Variants in KPNA3 observed in about 807,000 individuals in gnomAD.
KPNA3 encodes the protein karyopherin subunit alpha 3.
In KPNA3, 13 loss-of-function variants were observed where a neutral mutation model predicts 73.8. That is an observed-to-expected ratio of 0.18 (90% CI 0.11 to 0.28). The LOEUF is 0.28. Ranked by LOEUF, KPNA3 falls within the 10% of genes least tolerant of loss-of-function variation. KPNA3 has a pLI of 1.00. For missense variants in KPNA3, 360 were observed against 618.1 expected, an observed-to-expected ratio of 0.58 and a Z score of 4.43; for synonymous variants, 186 against 206.9, an observed-to-expected ratio of 0.90 and a Z score of 0.87.
chr13:49,706,906 G>A (rs1331660379), intron 12 of KPNA3, among the ~76,000 whole-genome samples: 4 of 151,868 alleles, frequency 2.6e-5, no homozygotes, highest in East Asian at 3.9e-4. Flanking sequence ...CTGTCACCAC[G>A]CCCAGCTAAT....
chr13:49,730,068 G>A (rs1252808522), intron 6 of KPNA3, among the ~76,000 whole-genome samples: 2 of 152,094 alleles, frequency 1.3e-5, no homozygotes, highest in African/African-American at 2.4e-5. Flanking sequence ...TTTTTGCTTT[G>A]GGTGGTGGTT....
At position 49,705,857 on chromosome 13, in the gene KPNA3, G is replaced by A. The variant is rs1954202983; in HGVS notation, c.1210-74C>T. On this transcript the variant is annotated intron_variant, in intron 14 of 16. Coordinates refer to ENST00000261667, the MANE Select transcript of KPNA3 (RefSeq NM_002267.4). ...TCCCAGTAGGGTGTCGTGCTACATG[G>A]AAGGCTGAGGCAGGAGGCTATCTTG... is the stretch of plus-strand genomic sequence containing the variant. The A allele has an allele frequency of 2.3e-6, 3 of 1,315,474 alleles. No homozygotes were observed. In the Admixed American group the frequency reaches 7.6e-5, roughly 33 times the overall value. 81.5% of individuals were successfully genotyped at this position (1,315,474 alleles called of 1,614,324 possible).
intron 1 of KPNA3, among the ~76,000 whole-genome samples, chr13:49,782,099 A>T (rs751006243): frequency 6.6e-6 from 1 of 152,214 alleles, no homozygotes; most frequent in South Asian, 2.1e-4. Flanking sequence ...TAGCCAGAAA[A>T]ATGTGAGGCA....
chr13:49,789,339 A>T (rs1257641260), intron 1 of KPNA3, among the ~76,000 whole-genome samples: 1 of 151,338 alleles, frequency 6.6e-6, no homozygotes, highest in African/African-American at 2.4e-5. Context: ...AGATTCACTA[A>T]CCTCATTTTT....
intron 13 of KPNA3, 46 bp downstream of exon 13, chr13:49,706,222 G>A (rs1954206634): frequency 1.2e-6 from 2 of 1,610,116 alleles, no homozygotes; most frequent in Non-Finnish European, 1.7e-6. Context: ...AAAAGTCTTG[G>A]TTATTAACAG....
chr13:49,705,540 T>C, intron 15 of KPNA3, 81 bp downstream of exon 15: 1 of 1,355,628 alleles, frequency 7.4e-7, no homozygotes. Context: ...AGTAATTTTC[T>C]GTCTAGTAAG....
intron 2 of KPNA3, among the ~76,000 whole-genome samples, chr13:49,733,993 T>C (rs1016025441): frequency 2.6e-5 from 4 of 152,234 alleles, no homozygotes; most frequent in Non-Finnish European, 4.4e-5. Flanking sequence ...GTTAGCTCAA[T>C]AAAATGGCTA....
At chr13:49,748,571 C>T (rs752274159) in intron 1 of KPNA3, among the ~76,000 whole-genome samples, 43 of 151,738 alleles carry the variant, frequency 2.8e-4, no homozygotes, top group Admixed American at 1.2e-3. Flanking sequence ...CAGTGATCTT[C>T]TTAAGAAAAA....
intron 1 of KPNA3, among the ~76,000 whole-genome samples, chr13:49,758,282 T>C (rs1441448676): frequency 6.6e-6 from 1 of 152,200 alleles, no homozygotes; most frequent in Non-Finnish European, 1.5e-5. Flanking sequence ...AAACTGCGTA[T>C]GAATATGACA....
chr13:49,721,261 A>ATG (rs1954354390), intron 9 of KPNA3, among the ~76,000 whole-genome samples: 1 of 151,986 alleles, frequency 6.6e-6, no homozygotes, highest in Admixed American at 6.6e-5. Context: ...CTTAAAGCAA[A>ATG]CTCATTCAAG....
intron 12 of KPNA3, among the ~76,000 whole-genome samples, chr13:49,708,347 T>C (rs901558026): frequency 3.3e-5 from 5 of 152,112 alleles, no homozygotes; most frequent in African/African-American, 9.7e-5. Context: ...TCTACTAGGA[T>C]TGTCAGTAAT....
chr13:49,767,493 C>T (rs980094229), intron 1 of KPNA3, among the ~76,000 whole-genome samples: 1 of 151,684 alleles, frequency 6.6e-6, no homozygotes, highest in Non-Finnish European at 1.5e-5. Context: ...ATTATATTTT[C>T]ATTATCTTGA....
chr13:49,737,415 A>C (rs548769659), intron 2 of KPNA3, among the ~76,000 whole-genome samples: 5 of 152,300 alleles, frequency 3.3e-5, no homozygotes, highest in Admixed American at 2.0e-4. Context: ...TTGTGGCTTT[A>C]ATCTCTATTT....
chr13:49,729,522 C>A (rs376644580), intron 6 of KPNA3, among the ~76,000 whole-genome samples: 1 of 152,190 alleles, frequency 6.6e-6, no homozygotes, highest in Non-Finnish European at 1.5e-5. Context: ...CGGTGGCTCA[C>A]GCCTGTAATC....
intron 9 of KPNA3, among the ~76,000 whole-genome samples, chr13:49,720,436 G>C (rs567938728): frequency 6.6e-6 from 1 of 152,146 alleles, no homozygotes; most frequent in South Asian, 2.1e-4. Context: ...AAAAGTAGCA[G>C]GTACTAGAGA....
chr13:49,709,026 A>G (rs957241492), intron 12 of KPNA3, among the ~76,000 whole-genome samples: 1 of 152,212 alleles, frequency 6.6e-6, no homozygotes, highest in Non-Finnish European at 1.5e-5. Flanking sequence ...TGCTATGCTC[A>G]GTCTACTTAA....
chr13:49,786,478 G>A (rs531867380), intron 1 of KPNA3, among the ~76,000 whole-genome samples: 1 of 152,292 alleles, frequency 6.6e-6, no homozygotes, highest in African/African-American at 2.4e-5. Context: ...AAAGGCTCAT[G>A]GAGAACTTTT....
rs761682736 is a variant in KPNA3, at chr13:49,790,659, G to T, written c.69+1779C>A. Among the ~76,000 whole-genome samples, 3 of 152,282 alleles carry T rather than the reference G, an allele frequency of 2.0e-5. No homozygotes were observed. The South Asian group carries it at 6.2e-4, about 32-fold the overall frequency. On this transcript the variant is annotated intron_variant, in intron 1 of 16. Coordinates refer to ENST00000261667, the MANE Select transcript of KPNA3 (RefSeq NM_002267.4). ...TGTTGTGACCAATACCAGGCTGAAT[G>T]GCTTAGCAACCATGCTCTTTTTCAT...
At chr13:49,738,820 ATTTCTT>A (rs1416655826) in intron 2 of KPNA3, among the ~76,000 whole-genome samples, 4 of 152,114 alleles carry the variant, frequency 2.6e-5, no homozygotes, top group African/African-American at 9.7e-5. Flanking sequence ...CATACCTTTC[ATTTCTT>A]TTTCTTGCCT....
Sources: gnomAD v4.1 joint callset for allele counts (sites outside exome capture counted in the v4.1 genomes callset) on GRCh38, gnomAD v4.1.1 for gene constraint, MANE v1.5 for transcripts, NCBI Gene and HGNC (gene_info 2026-07-23, HGNC 2026-07-21) for gene names.